AIG1: variants seen among roughly 807,000 people sequenced by gnomAD.
AIG1 encodes the protein androgen induced 1.
A neutral mutation model predicts 31.4 loss-of-function variants in AIG1; 23 were observed. The observed-to-expected ratio is 0.73, with a 90% CI of 0.53 to 1.04. The LOEUF (loss-of-function observed/expected upper bound fraction) is 1.04, where lower values mean the gene tolerates loss of function less well. AIG1 is among the 50% of genes least tolerant of loss of function. The probability of loss-of-function intolerance (pLI) is 0.00; values close to 1 mark genes in which losing one functional copy is unlikely to be tolerated. For missense variants in AIG1, 274 were observed against 295.0 expected, an observed-to-expected ratio of 0.93 and a Z score of 0.52; for synonymous variants, 100 against 110.5, an observed-to-expected ratio of 0.90 and a Z score of 0.60.
chr6:143,190,463 C>A (rs1161831455), intron 3 of AIG1: 1 of 985,382 alleles, frequency 1.0e-6, no homozygotes, highest in Non-Finnish European at 1.2e-6. Context: ...GGGAGCTTAT[C>A]ATTATTTAGT....
intron 5 of AIG1, chr6:143,335,178 A>G: frequency 1.5e-6 from 2 of 1,304,884 alleles, no homozygotes; most frequent in African/African-American, 1.5e-5. Context: ...CCCAACTTCT[A>G]CCTATCAAGT....
At chr6:143,129,362 C>T (rs767899305) in intron 1 of AIG1, among the ~76,000 whole-genome samples, 6 of 152,252 alleles carry the variant, frequency 3.9e-5, no homozygotes, top group African/African-American at 1.2e-4. Context: ...CTGACCTCCA[C>T]GTACACTCTT....
rs80108326 is a variant in AIG1 at position 143,258,864 on chromosome 6, G to A, written c.400-25246G>A. Among the ~76,000 whole-genome samples, 2,179 of 152,278 alleles carry A rather than the reference G, an allele frequency of 0.014. 21 individuals are homozygous for A. The highest frequency in any genetic ancestry group is 0.024 in the Middle Eastern group (7 of 294). On this transcript the variant is annotated intron_variant, in intron 3 of 5. Coordinates refer to ENST00000357847, the MANE Select transcript of AIG1 (RefSeq NM_016108.4). This position sits in a 1 kb window ranked among gnomAD's most constrained non-coding sequence, Gnocchi z 4.7. ...CCCTCATGAATAGATGGATGTCCTC[G>A]TGCAGGAATGGATTAGTTACCATGA...
At chr6:143,224,283 C>T (rs1189092862) in intron 3 of AIG1, among the ~76,000 whole-genome samples, 2 of 152,166 alleles carry the variant, frequency 1.3e-5, no homozygotes, top group Non-Finnish European at 2.9e-5. Context: ...TTTCCTCTTC[C>T]CAACATCCCT....
chr6:143,251,105 T>C (rs1201888528), intron 3 of AIG1, among the ~76,000 whole-genome samples: 1 of 152,212 alleles, frequency 6.6e-6, no homozygotes, highest in African/African-American at 2.4e-5. Flanking sequence ...CAGGCTGGAG[T>C]GCAGTGGCGC....
chr6:143,162,767 T>G (rs1258010471), intron 2 of AIG1, among the ~76,000 whole-genome samples: 1 of 152,102 alleles, frequency 6.6e-6, no homozygotes, highest in Non-Finnish European at 1.5e-5. Context: ...AAACACACAT[T>G]TATCGCACAG....
chr6:143,083,137 T>G (rs554576083), intron 1 of AIG1, among the ~76,000 whole-genome samples: 1 of 152,346 alleles, frequency 6.6e-6, no homozygotes, highest in South Asian at 2.1e-4. Flanking sequence ...GCCGTAAGTG[T>G]TTAACCTGCT....
intron 3 of AIG1, among the ~76,000 whole-genome samples, chr6:143,221,883 C>T (rs564072806): frequency 6.6e-6 from 1 of 152,284 alleles, no homozygotes; most frequent in East Asian, 1.9e-4. Flanking sequence ...TCTAGATTCA[C>T]AGTGGAGCAT....
intron 3 of AIG1, among the ~76,000 whole-genome samples, chr6:143,248,371 T>C (rs1421082654): frequency 6.6e-6 from 1 of 152,228 alleles, no homozygotes; most frequent in Non-Finnish European, 1.5e-5. Flanking sequence ...CACAGTTTTA[T>C]GTTTCAGGAG....
chr6:143,168,241 TC>T (rs1787150229), intron 3 of AIG1, among the ~76,000 whole-genome samples: 1 of 152,102 alleles, frequency 6.6e-6, no homozygotes, highest in Non-Finnish European at 1.5e-5. Flanking sequence ...ATAAGTCCAT[TC>T]CAAATTTCTT....
intron 3 of AIG1, among the ~76,000 whole-genome samples, chr6:143,195,085 A>G (rs985842371): frequency 1.1e-4 from 17 of 152,250 alleles, no homozygotes; most frequent in Admixed American, 3.3e-4. Flanking sequence ...AGAACAGCCA[A>G]TAAAAGAGGG....
intron 3 of AIG1, among the ~76,000 whole-genome samples, chr6:143,229,205 T>A (rs1385084588): frequency 6.6e-6 from 1 of 152,266 alleles, no homozygotes; most frequent in Non-Finnish European, 1.5e-5. Context: ...TACTTACTAC[T>A]CATATATGAA....
chr6:143,162,705 G>T (rs1786509462), intron 2 of AIG1, among the ~76,000 whole-genome samples: 1 of 152,110 alleles, frequency 6.6e-6, no homozygotes, highest in African/African-American at 2.4e-5. Context: ...GTAAACCTTT[G>T]GTCCTCACCC....
chr6:143,172,506 G>A (rs1047123771), intron 3 of AIG1, among the ~76,000 whole-genome samples: 3 of 152,116 alleles, frequency 2.0e-5, no homozygotes, highest in Admixed American at 2.0e-4. Context: ...ATGTTCATCA[G>A]GAATATTGGT....
chr6:143,070,975 G>A (rs1419068206), intron 1 of AIG1, among the ~76,000 whole-genome samples: 3 of 152,184 alleles, frequency 2.0e-5, no homozygotes, highest in African/African-American at 7.2e-5. Context: ...GTTACACCTT[G>A]CAAAACTGTA....
chr6:143,104,671 G>T (rs140273406), intron 1 of AIG1, among the ~76,000 whole-genome samples: 147 of 152,212 alleles, frequency 9.7e-4, no homozygotes, highest in Admixed American at 1.7e-3. Flanking sequence ...GGCCGAGGCA[G>T]GGAGGACTGC....
chr6:143,196,175 A>G (rs1318168922), intron 3 of AIG1, among the ~76,000 whole-genome samples: 1 of 152,178 alleles, frequency 6.6e-6, no homozygotes, highest in Non-Finnish European at 1.5e-5. Context: ...CCTTTTCTAT[A>G]TTGATCTGAA....
At chr6:143,253,056 A>G (rs369746229) in intron 3 of AIG1, among the ~76,000 whole-genome samples, 9 of 152,294 alleles carry the variant, frequency 5.9e-5, no homozygotes, top group African/African-American at 2.2e-4. Flanking sequence ...CAGAAGCCAC[A>G]ATCATTTCTA....
chr6:143,188,770 T>C, intron 3 of AIG1: 1 of 985,400 alleles, frequency 1.0e-6, no homozygotes, highest in Non-Finnish European at 1.2e-6. Flanking sequence ...AAAGTAATCC[T>C]GGGAAACATA....
Sources: gnomAD v4.1 joint callset for allele counts (sites outside exome capture counted in the v4.1 genomes callset) on GRCh38, gnomAD v4.1.1 for gene constraint, Gnocchi (gnomAD v3.1) non-coding constraint, MANE v1.5 for transcripts, NCBI Gene and HGNC (gene_info 2026-07-23, HGNC 2026-07-21) for gene names.